CYP51A1: variants seen among roughly 807,000 people sequenced by gnomAD.
CYP51A1 encodes cytochrome P450 family 51 subfamily A member 1, also known as lanosterol 14-alpha demethylase.
CYP51A1 carries 45 observed loss-of-function variants against 53.5 expected under a neutral mutation model. The observed-to-expected ratio is 0.84, with a 90% CI of 0.66 to 1.08. CYP51A1 has a LOEUF of 1.08. Among genes scored for constraint, CYP51A1 ranks in the 50% least tolerant of loss-of-function variants. The pLI, the probability that CYP51A1 is intolerant of heterozygous loss-of-function variation, is 0.00. For missense variants in CYP51A1, 462 were observed against 621.7 expected (o/e 0.74, Z 2.73); for synonymous variants, 181 against 217.7 (o/e 0.83, Z 1.48).
intron 8 of CYP51A1, among the ~76,000 whole-genome samples, chr7:92,117,818 T>A (rs1819608026): frequency 6.6e-6 from 1 of 151,894 alleles, no homozygotes; most frequent in Non-Finnish European, 1.5e-5. Flanking sequence ...ATAAACCCCA[T>A]CTCTACTAAA....
intron 9 of CYP51A1, among the ~76,000 whole-genome samples, chr7:92,115,665 C>T (rs530129402): frequency 6.6e-6 from 1 of 151,936 alleles, no homozygotes; most frequent in East Asian, 1.9e-4. Flanking sequence ...GAAACTAACA[C>T]AAAGATTGAA....
chr7:92,127,749 G>A lies in CYP51A1; in HGVS notation c.469-118C>T, dbSNP rs550330223. 4.9e-6 allele frequency: 5 copies of A among 1,015,836 alleles called. No individual in the cohort carries two copies. In the East Asian group the frequency reaches 7.9e-5, roughly 16 times the overall value. 62.9% of individuals were successfully genotyped at this position (1,015,836 alleles called of 1,614,324 possible). A position where few individuals can be genotyped will look rare whatever the true frequency, so the allele number is the denominator to read the frequency against. ...ACACAAGTAATGGTTTTAACCCTTTGGGCATTTACATTTTAAGAGTCTAAA... is the reference window on the plus strand; with the variant it reads ...ACACAAGTAATGGTTTTAACCCTTTAGGCATTTACATTTTAAGAGTCTAAA... On this transcript the variant is annotated intron_variant, in intron 3 of 9. Coordinates refer to ENST00000003100, the MANE Select transcript of CYP51A1 (RefSeq NM_000786.4).
In CYP51A1 at chr7:92,129,071, G is replaced by C; in HGVS notation, c.292-15C>G. On this transcript the variant is annotated splice_polypyrimidine_tract_variant and intron_variant, in intron 2 of 9. Transcript: ENST00000003100. ...ACAGGTCCATACTAAAAAGAGAAAA[G>C]TACATATAGTGATGTTACAAAAAAT... 2 of 1,566,766 alleles carry C rather than the reference G, an allele frequency of 1.3e-6. No individual in the cohort carries two copies. The highest frequency in any genetic ancestry group is 2.3e-5 in the East Asian group (1 of 44,106).
chr7:92,112,163 G>GAGA lies in CYP51A1; in HGVS notation c.*1499_*1501dup, dbSNP rs1248850080. On this transcript the variant is annotated 3_prime_UTR_variant, in exon 10 of 10. Transcript: ENST00000003100. ...TGAATACAGACTGTATTTTTTCAAAGAGAATTTTAATCTGAAAAATTAGCA... is the reference window on the plus strand; with the variant it reads ...TGAATACAGACTGTATTTTTTCAAAGAGAAGAATTTTAATCTGAAAAATTAGCA... 1.2e-4 allele frequency: 18 copies of GAGA among 152,280 alleles called. No individual in the cohort carries two copies. Among genetic ancestry groups the GAGA allele is most frequent in the African/African-American group, 4.3e-4 (18 of 41,556 alleles). The allele number at this position is 152,280 out of a possible 1,614,324, so 9.4% of individuals were successfully genotyped here.
intron 7 of CYP51A1, among the ~76,000 whole-genome samples, chr7:92,121,419 G>GTTCTTCAAAGTTACCTTATAACCCAGT (rs1819691609): frequency 6.6e-6 from 1 of 152,106 alleles, no homozygotes; most frequent in Non-Finnish European, 1.5e-5. Context: ...TTTTAAAACA[G>GTTCTTCAAAGTTACCTTATAACCCAGT]TCTGGCAGTT....
chr7:92,113,964 G>T, intron 9 of CYP51A1, 121 bp from the exon 10 acceptor site: 1 of 610,448 alleles, frequency 1.6e-6, no homozygotes, highest in South Asian at 2.7e-5. Flanking sequence ...ATAAAAAGAT[G>T]ACATTCTTTT....
chr7:92,129,921 AAGG>A (rs1819883994), intron 2 of CYP51A1, among the ~76,000 whole-genome samples: 1 of 152,024 alleles, frequency 6.6e-6, no homozygotes, highest in Non-Finnish European at 1.5e-5. Flanking sequence ...GAGAAAGAGA[AAGG>A]AGGAGATGAG....
At chr7:92,118,014 G>A (rs561994615) in intron 8 of CYP51A1, among the ~76,000 whole-genome samples, 108 of 150,940 alleles carry the variant, frequency 7.2e-4, no homozygotes, top group Non-Finnish European at 1.2e-3. Flanking sequence ...AGATTAGCAC[G>A]TATACTATCT....
rs1819993193 is a variant in CYP51A1 at position 92,134,239 on chromosome 7, G to A, written c.126C>T (p.Phe42=). The change falls in exon 1 of 10, where the codon TTC becomes TTT. Residue 42 remains phenylalanine (F), a synonymous_variant. Coordinates refer to ENST00000003100, the MANE Select transcript of CYP51A1 (RefSeq NM_000786.4). ...GGATCAGGTAGACCAGGCTGAGGGT[G>A]AAGGCGCAGGCGATCAGCAGCATGG... ...LLSMLLIACA[F]TLSLVYLIRL... is the part of the protein sequence containing the mutation. The A allele has an allele frequency of 6.2e-7, 1 of 1,613,480 alleles. No individual in the cohort carries two copies. Among genetic ancestry groups the A allele is most frequent in the East Asian group, 2.2e-5 (1 of 44,854 alleles).
intron 6 of CYP51A1, 28 bp from the exon 7 acceptor site, chr7:92,123,343 T>C (rs759637779): frequency 1.9e-6 from 3 of 1,579,912 alleles, no homozygotes. Flanking sequence ...GACACAAATT[T>C]AACATTTTGG....
At position 92,116,999 on chromosome 7, in the gene CYP51A1, T is replaced by C. The variant is rs538296422; in HGVS notation, c.1351+45A>G. On this transcript the variant is annotated intron_variant, in intron 9 of 9. Transcript: ENST00000003100. ...CGGAATATTTTGACAGAGACAAATA[T>C]GTTATCAGAACAAACATTTCCAATC... The C allele has an allele frequency of 1.8e-5, 28 of 1,529,294 alleles. No individual in the cohort carries two copies. The South Asian group carries it at 2.6e-4, about 14-fold the overall frequency. 94.7% of individuals were successfully genotyped at this position (1,529,294 alleles called of 1,614,324 possible).
chr7:92,125,060 C>T (rs975344207), intron 5 of CYP51A1, among the ~76,000 whole-genome samples: 7 of 147,880 alleles, frequency 4.7e-5, no homozygotes, highest in African/African-American at 1.0e-4. Flanking sequence ...AGGAGAATGG[C>T]GTGAACCTGG....
chr7:92,123,064 T>C (rs1412256222), intron 7 of CYP51A1, 56 bp downstream of exon 7: 4 of 1,351,338 alleles, frequency 3.0e-6, no homozygotes, highest in Non-Finnish European at 4.1e-6. Flanking sequence ...TTTTAAAAAT[T>C]AGCCACAGAT....
At chr7:92,123,629 C>T in intron 6 of CYP51A1, 105 bp downstream of exon 6, 1 of 1,114,356 alleles carries the variant, frequency 9.0e-7, no homozygotes, top group South Asian at 1.6e-5. Context: ...CAGCTACCAA[C>T]TTATTTTGCC....
At chr7:92,127,727 C>T in intron 3 of CYP51A1, 96 bp from the exon 4 acceptor site, 1 of 1,246,604 alleles carries the variant, frequency 8.0e-7, no homozygotes, top group East Asian at 2.5e-5. Context: ...AACACTAACA[C>T]AAGTAATGGT....
chr7:92,134,510 G>T (rs768872365), upstream of CYP51A1: 63 of 774,498 alleles, frequency 8.1e-5, no homozygotes, highest in Non-Finnish European at 1.2e-4. Context: ...TCCCACGCGC[G>T]CCACCCCGTG....
Position 92,131,795 on chromosome 7 carries a change from A to G in CYP51A1, c.270T>C (p.Phe90=). 1 of 1,565,766 alleles carries G rather than the reference A, an allele frequency of 6.4e-7. No individual in the cohort carries two copies. The highest frequency in any genetic ancestry group is 1.4e-5 in the African/African-American group (1 of 73,358). Residue 90 remains phenylalanine, a synonymous_variant, in exon 2 of 10, where the codon TTT becomes TTC. Coordinates refer to ENST00000003100, the MANE Select transcript of CYP51A1 (RefSeq NM_000786.4). The stretch of plus-strand genomic sequence containing the variant: ...TTACCTTCTCATATGCATTTTCTAG[A>G]AATTCAATTGGACTTTTCCCAAATG... ...AIAFGKSPIE[F]LENAYEKYGP... is the part of the protein sequence containing the mutation.
chr7:92,134,725 C>G (rs1820011474), upstream of CYP51A1: 1 of 230,954 alleles, frequency 4.3e-6, no homozygotes, highest in African/African-American at 2.3e-5. Context: ...TGCCCGGGTG[C>G]GGGGTGCCGG....
Position 92,129,480 on chromosome 7 carries a change from A to G in CYP51A1, c.292-424T>C, listed in dbSNP as rs1200574906. Among the ~76,000 whole-genome samples, 10 of 152,222 alleles carry G rather than the reference A, an allele frequency of 6.6e-5. No homozygotes were observed. The East Asian group carries it at 1.9e-3, about 29-fold the overall frequency. ...AAAAACAAATTTTACAAGACTAGCC[A>G]AAGAATTTGACCTTTTCTATAGTAC... On this transcript the variant is annotated intron_variant, in intron 2 of 9. Coordinates refer to ENST00000003100, the MANE Select transcript of CYP51A1 (RefSeq NM_000786.4).
Sources: allele counts gnomAD v4.1 joint callset (sites outside exome capture counted in the v4.1 genomes callset), GRCh38; gene constraint gnomAD v4.1.1; transcripts MANE v1.5; gene names NCBI Gene and HGNC (gene_info 2026-07-23, HGNC 2026-07-21).